Variants in PPP4R2 observed in about 807,000 individuals in gnomAD.
PPP4R2 encodes the protein serine/threonine-protein phosphatase 4 regulatory subunit 2.
Under a neutral mutation model 47.2 loss-of-function variants are expected in PPP4R2, and 13 were observed. The observed-to-expected ratio is 0.28, with a 90% CI of 0.18 to 0.44. The LOEUF (loss-of-function observed/expected upper bound fraction) is 0.44. Ranked by LOEUF, PPP4R2 falls within the 20% of genes least tolerant of loss-of-function variation. The probability of loss-of-function intolerance (pLI) is 1.00; values close to 1 mark genes in which losing one functional copy is unlikely to be tolerated. For missense variants in PPP4R2, 421 were observed against 491.2 expected, an observed-to-expected ratio of 0.86 and a Z score of 1.35; for synonymous variants, 151 against 163.3, an observed-to-expected ratio of 0.92 and a Z score of 0.57.
intron 2 of PPP4R2, among the ~76,000 whole-genome samples, chr3:73,022,647 T>G (rs1701983655): frequency 1.3e-5 from 2 of 152,222 alleles, no homozygotes; most frequent in African/African-American, 4.8e-5. Context: ...ATATCTTTGC[T>G]ACCAAGTTTA....
chr3:73,049,994 G>C (rs769754389), intron 3 of PPP4R2, among the ~76,000 whole-genome samples: 1 of 152,104 alleles, frequency 6.6e-6, no homozygotes, highest in Non-Finnish European at 1.5e-5. Flanking sequence ...AGGCTGGAGT[G>C]CAGTGGCACC....
chr3:73,030,612 A>ATTTTTTTT (rs57682305), intron 2 of PPP4R2, among the ~76,000 whole-genome samples: 2 of 143,022 alleles, frequency 1.4e-5, no homozygotes, highest in African/African-American at 5.1e-5. Context: ...GATTACGTTG[A>ATTTTTTTT]TTTTTTTTTT....
At chr3:73,004,887 G>T (rs904936628) in intron 2 of PPP4R2, among the ~76,000 whole-genome samples, 1 of 148,988 alleles carries the variant, frequency 6.7e-6, no homozygotes, top group African/African-American at 2.5e-5. Flanking sequence ...GTTTGTTTGT[G>T]TGTGTGTGTT....
chr3:73,050,166 T>C (rs957700854), intron 3 of PPP4R2, among the ~76,000 whole-genome samples: 3 of 152,130 alleles, frequency 2.0e-5, no homozygotes, highest in Non-Finnish European at 2.9e-5. Flanking sequence ...GGTTTTACCA[T>C]GTTGGCCAGG....
At chr3:73,047,631 T>G (rs1702511515) in intron 3 of PPP4R2, among the ~76,000 whole-genome samples, 1 of 152,222 alleles carries the variant, frequency 6.6e-6, no homozygotes, top group South Asian at 2.1e-4. Context: ...TTATATTTGG[T>G]GTTATGTCTT....
intron 2 of PPP4R2, among the ~76,000 whole-genome samples, chr3:73,023,056 G>A (rs569341870): frequency 1.2e-4 from 18 of 152,222 alleles, no homozygotes; most frequent in Middle Eastern, 3.4e-3. Context: ...ATGAGGATTT[G>A]TGGGTAAAAT....
At chr3:73,056,257 C>G (rs770134048) in intron 3 of PPP4R2, among the ~76,000 whole-genome samples, 3 of 152,038 alleles carry the variant, frequency 2.0e-5, no homozygotes, top group Non-Finnish European at 4.4e-5. Flanking sequence ...GCTTACTAAG[C>G]TTGGCATACA....
Position 73,067,761 on chromosome 3 carries a change from T to A in PPP4R2, c.*2039T>A, listed in dbSNP as rs1181923255. 6.6e-6 allele frequency: 1 copy of A among 152,214 alleles called. No homozygotes were observed. Among genetic ancestry groups the A allele is most frequent in the African/African-American group, 2.4e-5 (1 of 41,466 alleles). The allele number at this position is 152,214 out of a possible 1,614,324, so 9.4% of individuals were successfully genotyped here. A position where few individuals can be genotyped will look rare whatever the true frequency, so the allele number is the denominator to read the frequency against. On this transcript the variant is annotated 3_prime_UTR_variant, in exon 9 of 9. Transcript: ENST00000356692. Reference sequence around the variant, plus strand: ...TTGGTTGTAAGTTGAAGATTTAGCATTATGACTTTGAGGTCTGTGGTTTTA... The same window carrying A: ...TTGGTTGTAAGTTGAAGATTTAGCAATATGACTTTGAGGTCTGTGGTTTTA...
Position 73,067,294 on chromosome 3 carries a change from TTC to T in PPP4R2, c.*1574_*1575del, listed in dbSNP as rs1309020954. The T allele has an allele frequency of 6.6e-6, 1 of 152,136 alleles. No individual in the cohort carries two copies. The highest frequency in any genetic ancestry group is 1.5e-5 in the Non-Finnish European group (1 of 67,990). The allele number at this position is 152,136 out of a possible 1,614,324, so 9.4% of individuals were successfully genotyped here. ...AGCTTCTAAAACTGATGCAAACAGTTTCTGACACTGTATAATATGCTTTTGGG... is the reference window on the plus strand; with the variant it reads ...AGCTTCTAAAACTGATGCAAACAGTTTGACACTGTATAATATGCTTTTGGG... On this transcript the variant is annotated 3_prime_UTR_variant, in exon 9 of 9. Transcript: ENST00000356692.
In PPP4R2 at chr3:73,068,693, T is replaced by C. The variant is rs1242000639; in HGVS notation, c.*2971T>C. On this transcript the variant is annotated 3_prime_UTR_variant, in exon 9 of 9. Coordinates refer to ENST00000356692, the MANE Select transcript of PPP4R2 (RefSeq NM_174907.4). ...GAGTATTTTGTTTTGCCGGTGTAGATAGGCATGTATTTATGCATTTTTGCA... is the reference window on the plus strand; with the variant it reads ...GAGTATTTTGTTTTGCCGGTGTAGACAGGCATGTATTTATGCATTTTTGCA... 2 of 152,204 alleles carry C rather than the reference T, an allele frequency of 1.3e-5. No homozygotes were observed. The highest frequency in any genetic ancestry group is 4.8e-5 in the African/African-American group (2 of 41,452). 9.4% of individuals were successfully genotyped at this position (152,204 alleles called of 1,614,324 possible). A position where few individuals can be genotyped will look rare whatever the true frequency, so the allele number is the denominator to read the frequency against.
At chr3:73,002,049 A>G (rs970062710) in intron 2 of PPP4R2, among the ~76,000 whole-genome samples, 2 of 151,976 alleles carry the variant, frequency 1.3e-5, no homozygotes, top group African/African-American at 4.8e-5. Flanking sequence ...TTAGACTCTT[A>G]CCTTTGTGAG....
chr3:73,017,517 C>T (rs1701866832), intron 2 of PPP4R2, among the ~76,000 whole-genome samples: 1 of 151,864 alleles, frequency 6.6e-6, no homozygotes, highest in Non-Finnish European at 1.5e-5. Flanking sequence ...TGCATGCTGT[C>T]CTTGAAAGGG....
chr3:73,021,587 A>G (rs951764020), intron 2 of PPP4R2, among the ~76,000 whole-genome samples: 2 of 152,126 alleles, frequency 1.3e-5, no homozygotes, highest in African/African-American at 4.8e-5. Context: ...TTCAACATAA[A>G]TTAGGAAAAA....
At chr3:73,049,889 A>G (rs1329372572) in intron 3 of PPP4R2, among the ~76,000 whole-genome samples, 1 of 152,042 alleles carries the variant, frequency 6.6e-6, no homozygotes, top group African/African-American at 2.4e-5. Context: ...ATGCCTGAGC[A>G]TTCTTCTTTT....
intron 5 of PPP4R2, chr3:73,061,995 A>G (rs1458632104): frequency 6.1e-6 from 6 of 978,172 alleles, no homozygotes; most frequent in Non-Finnish European, 7.4e-6. Flanking sequence ...TCTTTTATGA[A>G]GCAAAATATG....
At chr3:73,055,004 T>A (rs1342865087) in intron 3 of PPP4R2, among the ~76,000 whole-genome samples, 1 of 152,194 alleles carries the variant, frequency 6.6e-6, no homozygotes, top group Non-Finnish European at 1.5e-5. Context: ...GTACAAGACT[T>A]CTGCTTTTAA....
chr3:73,057,179 A>G (rs933791323), intron 3 of PPP4R2, among the ~76,000 whole-genome samples: 2 of 152,050 alleles, frequency 1.3e-5, no homozygotes, highest in South Asian at 2.1e-4. Flanking sequence ...CGGACAGACA[A>G]TTGAGAAACT....
chr3:73,000,519 G>A (rs975722177), intron 2 of PPP4R2, among the ~76,000 whole-genome samples: 29 of 152,268 alleles, frequency 1.9e-4, no homozygotes, highest in African/African-American at 6.7e-4. Flanking sequence ...TTTTAGAATT[G>A]TAAGTATAGG....
At chr3:72,997,313 T>G in intron 1 of PPP4R2, 2 of 391,862 alleles carry the variant, frequency 5.1e-6, no homozygotes, top group Non-Finnish European at 4.6e-6. Flanking sequence ...GGGGAAACTC[T>G]TGCGGGGGCC....
Sources: allele counts gnomAD v4.1 joint callset (sites outside exome capture counted in the v4.1 genomes callset), GRCh38; gene constraint gnomAD v4.1.1; transcripts MANE v1.5; gene names NCBI Gene and HGNC (gene_info 2026-07-23, HGNC 2026-07-21).